The following CSMD1 variants were observed in gnomAD, a reference collection of about 807,000 sequenced individuals.
The protein encoded by CSMD1 is CUB and sushi domain-containing protein 1.
A neutral mutation model predicts 417.5 loss-of-function variants in CSMD1; 213 were observed. That is an observed-to-expected ratio of 0.51 (90% CI 0.46 to 0.57). The LOEUF (loss-of-function observed/expected upper bound fraction) is 0.57. Among genes scored for constraint, CSMD1 ranks in the 20% least tolerant of loss-of-function variants. The pLI is 0.00. For synonymous variants in CSMD1, 2,862 were observed against 1,736.8 expected, an observed-to-expected ratio of 1.65 and a Z score of -16.11; for missense variants, 6,923 against 4,529.7, an observed-to-expected ratio of 1.53 and a Z score of -15.17.
chr8:4,722,897 G>C (rs542918877), intron 1 of CSMD1, among the ~76,000 whole-genome samples: 7 of 152,080 alleles, frequency 4.6e-5, no homozygotes, highest in African/African-American at 9.7e-5. Flanking sequence ...GAAATACAAA[G>C]ATCTTACTGC....
Position 3,367,095 on chromosome 8 carries a change from C to A in CSMD1, c.3052G>T (p.Ala1018Ser), listed in dbSNP as rs1809629124. The A allele has an allele frequency of 1.2e-6, 2 of 1,613,814 alleles. No homozygotes were observed. The highest frequency in any genetic ancestry group is 1.3e-5 in the African/African-American group (1 of 75,040). Residue 1018 changes from alanine to serine, a missense_variant, in exon 20 of 70, where the codon GCC (alanine) becomes TCC (serine). By Grantham distance (99) the Ala-to-Ser change is moderately conservative. Transcript: ENST00000635120. ...AAGTCTGATATAAACCGAAGCTGGGCAGTGAAGTTTCCAAACAGGCCTGCC... is the reference window on the plus strand; with the variant it reads ...AAGTCTGATATAAACCGAAGCTGGGAAGTGAAGTTTCCAAACAGGCCTGCC... ...IKAGLFGNFT[A>S]QLRFISDFSI...
chr8:2,950,511 T>G (rs1802557239), intron 66 of CSMD1, among the ~76,000 whole-genome samples, 168 bp from the exon 67 acceptor site: 1 of 152,184 alleles, frequency 6.6e-6, no homozygotes, highest in South Asian at 2.1e-4. Context: ...AGCTTCCATT[T>G]TCCCCTGAAA....
At chr8:3,055,168 G>A (rs967478506) in intron 49 of CSMD1, among the ~76,000 whole-genome samples, 6 of 152,172 alleles carry the variant, frequency 3.9e-5, no homozygotes, top group African/African-American at 1.4e-4. Context: ...TACAAACACA[G>A]ATGAAGCCCC....
intron 3 of CSMD1, among the ~76,000 whole-genome samples, chr8:4,318,697 T>C (rs1375150812): frequency 8.6e-6 from 1 of 116,212 alleles, no homozygotes; most frequent in Non-Finnish European, 1.8e-5. Context: ...AAAGGCTTAA[T>C]ATTATTTTAA....
intron 2 of CSMD1, among the ~76,000 whole-genome samples, chr8:4,551,300 C>T (rs1349792163): frequency 2.0e-5 from 3 of 151,946 alleles, no homozygotes; most frequent in African/African-American, 4.8e-5. Flanking sequence ...TATGTGAAAC[C>T]CAATCTCTTG....
intron 3 of CSMD1, among the ~76,000 whole-genome samples, chr8:4,161,189 A>T (rs1230155285): frequency 1.3e-5 from 2 of 152,160 alleles, no homozygotes; most frequent in Non-Finnish European, 2.9e-5. Flanking sequence ...GCAATGTGCT[A>T]CTTCCTATCT....
intron 47 of CSMD1, among the ~76,000 whole-genome samples, chr8:3,095,872 T>C (rs1426162316): frequency 6.6e-6 from 1 of 152,172 alleles, no homozygotes; most frequent in Non-Finnish European, 1.5e-5. Flanking sequence ...AAATTTTCAT[T>C]GAAATTGCAA....
intron 5 of CSMD1, among the ~76,000 whole-genome samples, chr8:3,915,221 C>T (rs938475360): frequency 6.6e-6 from 1 of 151,942 alleles, no homozygotes; most frequent in African/African-American, 2.4e-5. Context: ...GCCTGGCCAA[C>T]ATCACGAAAC....
chr8:2,949,260 C>G, intron 68 of CSMD1, 39 bp downstream of exon 68: 1 of 1,132,340 alleles, frequency 8.8e-7, no homozygotes, highest in Non-Finnish European at 1.3e-6. Flanking sequence ...GAAAGCCAAA[C>G]TGATATTTGC....
At chr8:3,535,114 T>G (rs1798139389) in intron 10 of CSMD1, among the ~76,000 whole-genome samples, 1 of 138,888 alleles carries the variant, frequency 7.2e-6, no homozygotes, top group African/African-American at 3.1e-5. Flanking sequence ...AGTCAGCTAA[T>G]ATTTTTTTTT....
At chr8:3,721,424 A>G (rs1001725407) in intron 6 of CSMD1, among the ~76,000 whole-genome samples, 1 of 152,172 alleles carries the variant, frequency 6.6e-6, no homozygotes, top group Non-Finnish European at 1.5e-5. Context: ...GATTCCTCAG[A>G]AAACATCAAA....
chr8:4,198,670 G>T (rs1476877948), intron 3 of CSMD1, among the ~76,000 whole-genome samples: 1 of 152,052 alleles, frequency 6.6e-6, no homozygotes, highest in African/African-American at 2.4e-5. Context: ...TTTTCCAGAT[G>T]GGGCTGGTAA....
intron 1 of CSMD1, among the ~76,000 whole-genome samples, chr8:4,670,157 C>T (rs952719331): frequency 2.0e-5 from 3 of 152,192 alleles, no homozygotes; most frequent in African/African-American, 7.2e-5. Flanking sequence ...TCATCTCCTA[C>T]ACTCACATTA....
rs1050012363 is a variant in CSMD1, at chr8:4,183,089, C to T, written c.416-150990G>A. ...GCTAGATGTCACACTCATATCACAGCGACACCCTATATACAGAGATCATCT... is the reference window on the plus strand; with the variant it reads ...GCTAGATGTCACACTCATATCACAGTGACACCCTATATACAGAGATCATCT... On this transcript the variant is annotated intron_variant, in intron 3 of 69. Coordinates refer to ENST00000635120, the MANE Select transcript of CSMD1 (RefSeq NM_033225.6). Among the ~76,000 whole-genome samples the T allele has an allele frequency of 5.3e-5, 8 of 152,036 alleles. No individual in the cohort carries two copies. In the South Asian group the frequency reaches 6.2e-4, roughly 12 times the overall value.
At chr8:3,055,569 T>A (rs574890652) in intron 49 of CSMD1, among the ~76,000 whole-genome samples, 3 of 152,220 alleles carry the variant, frequency 2.0e-5, no homozygotes, top group Non-Finnish European at 4.4e-5. Flanking sequence ...ATGATTGCTA[T>A]AGGATAGGCA....
chr8:3,135,683 C>T, intron 41 of CSMD1, among the ~76,000 whole-genome samples: 1 of 151,518 alleles, frequency 6.6e-6, no homozygotes, highest in South Asian at 2.1e-4. Context: ...CCCTTTAAAA[C>T]ATGCTCTTGA....
intron 1 of CSMD1, among the ~76,000 whole-genome samples, chr8:4,965,433 T>C (rs572158335): frequency 1.3e-5 from 2 of 152,200 alleles, no homozygotes; most frequent in East Asian, 1.9e-4. Flanking sequence ...ATTTTATAGA[T>C]AGATGAGTTG....
At chr8:4,690,591 C>G (rs1290509014) in intron 1 of CSMD1, among the ~76,000 whole-genome samples, 2 of 152,154 alleles carry the variant, frequency 1.3e-5, no homozygotes, top group African/African-American at 4.8e-5. Context: ...TATATTTTAG[C>G]AAAAAGCATG....
Position 3,885,165 on chromosome 8 carries a change from G to A in CSMD1, c.818+112738C>T, listed in dbSNP as rs533653240. On this transcript the variant is annotated intron_variant, in intron 5 of 69. Coordinates refer to ENST00000635120, the MANE Select transcript of CSMD1 (RefSeq NM_033225.6). ...GATCCCATCTCGTGACTGTATCAGC[G>A]TTGAGTTTATTAAGAGACATTCACA... is the stretch of plus-strand genomic sequence containing the variant. Among the ~76,000 whole-genome samples, 14 of 152,114 alleles carry A rather than the reference G, an allele frequency of 9.2e-5. No homozygotes were observed. The South Asian group carries it at 1.5e-3, about 16-fold the overall frequency.
Sources: allele counts gnomAD v4.1 joint callset (sites outside exome capture counted in the v4.1 genomes callset), GRCh38; gene constraint gnomAD v4.1.1; transcripts MANE v1.5; gene names NCBI Gene and HGNC (gene_info 2026-07-23, HGNC 2026-07-21).